Variants in TUSC3 observed in about 807,000 individuals in gnomAD.
TUSC3 encodes dolichyl-diphosphooligosaccharide--protein glycosyltransferase subunit TUSC3.
A neutral mutation model predicts 44.8 loss-of-function variants in TUSC3; 45 were observed. The ratio of observed to expected loss-of-function variants is 1.00; its 90% CI spans 0.79 to 1.29. The LOEUF (loss-of-function observed/expected upper bound fraction) is 1.29. Ranked by LOEUF, TUSC3 falls within the 50% of genes most tolerant of loss-of-function variation. The pLI, the probability that TUSC3 is intolerant of heterozygous loss-of-function variation, is 0.00. For missense variants in TUSC3, 519 were observed against 437.9 expected (o/e 1.19, Z -1.65); for synonymous variants, 212 against 152.9 (o/e 1.39, Z -2.85).
At chr8:15,605,876 G>T (rs1043459246) in intron 1 of TUSC3, among the ~76,000 whole-genome samples, 1 of 151,998 alleles carries the variant, frequency 6.6e-6, no homozygotes, top group Non-Finnish European at 1.5e-5. Context: ...CTTCGTAGCT[G>T]CATTCCGTTG....
At chr8:15,486,137 C>G (rs895551443) in intron 2 of TUSC3, among the ~76,000 whole-genome samples, 3 of 152,110 alleles carry the variant, frequency 2.0e-5, no homozygotes, top group Non-Finnish European at 4.4e-5. Flanking sequence ...TGCACAGTGA[C>G]CAATTAGCTA....
At chr8:15,527,579 A>G (rs961408361) in intron 2 of TUSC3, among the ~76,000 whole-genome samples, 4 of 152,054 alleles carry the variant, frequency 2.6e-5, no homozygotes, top group Admixed American at 2.6e-4. Context: ...TTTGATTTTT[A>G]TTTTTTTGAG....
chr8:15,539,369 T>C (rs1801594494), upstream of TUSC3, among the ~76,000 whole-genome samples: 1 of 141,600 alleles, frequency 7.1e-6, no homozygotes, highest in African/African-American at 2.8e-5. Flanking sequence ...TTTTTTTTTT[T>C]TGAGACAGAG....
At chr8:15,795,707 C>T in the TUSC3 span, among the ~76,000 whole-genome samples, 1 of 152,206 alleles carries the variant, frequency 6.6e-6, no homozygotes. Context: ...TGGAGTGCCC[C>T]AGGTAGTACC....
At chr8:15,812,478 T>C in the TUSC3 span, among the ~76,000 whole-genome samples, 14 of 152,206 alleles carry the variant, frequency 9.2e-5, no homozygotes, top group East Asian at 9.7e-4. Context: ...TAGGTAGATA[T>C]ACACTTGTTA....
At chr8:15,547,401 C>G (rs756674062) in intron 1 of TUSC3, among the ~76,000 whole-genome samples, 1 of 151,492 alleles carries the variant, frequency 6.6e-6, no homozygotes, top group Non-Finnish European at 1.5e-5. Context: ...TACAGTAAAA[C>G]TAAAGGTCAT....
chr8:15,484,978 C>T (rs759745073), intron 2 of TUSC3, among the ~76,000 whole-genome samples: 33 of 152,216 alleles, frequency 2.2e-4, no homozygotes, highest in African/African-American at 5.1e-4. Flanking sequence ...CACAGTATGG[C>T]GTATGGTATG....
chr8:15,846,199 C>A, the TUSC3 span, among the ~76,000 whole-genome samples: 2 of 152,080 alleles, frequency 1.3e-5, no homozygotes, highest in Non-Finnish European at 1.5e-5. Flanking sequence ...CATATCAACT[C>A]CGAGGGCAAT....
chr8:15,778,785 C>G, the TUSC3 span, among the ~76,000 whole-genome samples: 2 of 152,270 alleles, frequency 1.3e-5, no homozygotes, highest in Admixed American at 6.5e-5. Flanking sequence ...AAATTAACAT[C>G]CTTAGGCTAC....
At chr8:15,822,717 G>T in the TUSC3 span, among the ~76,000 whole-genome samples, 2 of 152,102 alleles carry the variant, frequency 1.3e-5, no homozygotes, top group Non-Finnish European at 2.9e-5. Flanking sequence ...GGTATGAAAA[G>T]CAGGAAAATG....
the TUSC3 span, among the ~76,000 whole-genome samples, chr8:15,850,919 A>T: frequency 6.6e-6 from 1 of 152,178 alleles, no homozygotes; most frequent in Non-Finnish European, 1.5e-5. Context: ...ATTATCAAAT[A>T]GTGCTCCCCT....
Position 15,521,706 on chromosome 8 carries a change from G to C in TUSC3, n.189+38223G>C, listed in dbSNP as rs191291604. On this transcript the variant is annotated intron_variant and non_coding_transcript_variant, in intron 2 of 5. Transcript: ENST00000503191. ...AAATTGATGCAGCCTGCGGGCCACTGGTTACACAAGCTTTCATTAGGCCTT... is the reference window on the plus strand; with the variant it reads ...AAATTGATGCAGCCTGCGGGCCACTCGTTACACAAGCTTTCATTAGGCCTT... 5.2e-4 allele frequency among the ~76,000 whole-genome samples: 79 copies of C among 152,264 alleles called. 1 individual carries two copies. The highest frequency in any genetic ancestry group is 1.2e-3 in the South Asian group (6 of 4,832).
In TUSC3 at chr8:15,420,388, A is replaced by C. The variant is rs1043625679; in HGVS notation, n.91+3083A>C. The stretch of plus-strand genomic sequence containing the variant: ...GTGGCAGGCACCTGTAGTCTCAGCT[A>C]CTTGGAGGCTGAGGCAGGAAAATCA... On this transcript the variant is annotated intron_variant and non_coding_transcript_variant, in intron 1 of 5. Coordinates refer to the TUSC3 transcript ENST00000503191. Among the ~76,000 whole-genome samples the C allele has an allele frequency of 5.9e-5, 9 of 151,968 alleles. 1 individual carries two copies. The highest frequency in any genetic ancestry group is 2.2e-4 in the African/African-American group (9 of 41,370).
intron 1 of TUSC3, among the ~76,000 whole-genome samples, chr8:15,476,569 T>A (rs1800577502): frequency 6.6e-6 from 1 of 152,236 alleles, no homozygotes; most frequent in African/African-American, 2.4e-5. Context: ...ATATTTCAAT[T>A]CTGTTACCAG....
At chr8:15,800,620 G>A in the TUSC3 span, among the ~76,000 whole-genome samples, 1 of 151,758 alleles carries the variant, frequency 6.6e-6, no homozygotes, top group Non-Finnish European at 1.5e-5. Flanking sequence ...TCCTAGGGAT[G>A]AGCAGATTTC....
chr8:15,600,939 A>T (rs1259852113), intron 1 of TUSC3, among the ~76,000 whole-genome samples: 1 of 151,844 alleles, frequency 6.6e-6, no homozygotes, highest in Admixed American at 6.6e-5. Flanking sequence ...CAATGTGTTC[A>T]GATACTGTGC....
chr8:15,464,957 C>T (rs573655709), intron 1 of TUSC3, among the ~76,000 whole-genome samples: 1 of 152,276 alleles, frequency 6.6e-6, no homozygotes, highest in South Asian at 2.1e-4. Context: ...TCAAGCGATT[C>T]TCTTGCCTCA....
At chr8:15,720,635 C>G (rs1322825286) in intron 6 of TUSC3, among the ~76,000 whole-genome samples, 1 of 152,080 alleles carries the variant, frequency 6.6e-6, no homozygotes, top group Admixed American at 6.6e-5. Flanking sequence ...CCTGGACATA[C>G]AGAGCAAATG....
chr8:15,839,472 C>T, the TUSC3 span, among the ~76,000 whole-genome samples: 9 of 151,656 alleles, frequency 5.9e-5, no homozygotes, highest in Non-Finnish European at 1.2e-4. Context: ...TTGCAATCTA[C>T]TCATCTGACA....
Sources: allele counts gnomAD v4.1 joint callset (sites outside exome capture counted in the v4.1 genomes callset), GRCh38; gene constraint gnomAD v4.1.1; transcripts MANE v1.5; gene names NCBI Gene and HGNC (gene_info 2026-07-23, HGNC 2026-07-21).